MZB1: variants seen among roughly 807,000 people sequenced by gnomAD.
MZB1 encodes the protein marginal zone B and B1 cell specific protein.
In MZB1, 10 loss-of-function variants were observed where a neutral mutation model predicts 17.2. The observed-to-expected ratio is 0.58, with a 90% CI of 0.36 to 0.98. The LOEUF is 0.98. MZB1 is among the 50% of genes least tolerant of loss of function. The probability of loss-of-function intolerance (pLI) is 0.01; values close to 1 mark genes in which losing one functional copy is unlikely to be tolerated. For missense variants in MZB1, 246 were observed against 237.5 expected (o/e 1.04, Z -0.23); for synonymous variants, 99 against 98.7 (o/e 1.00, Z -0.02).
At chr5:139,389,292 G>GGT in intron 1 of MZB1, 1 of 429,036 alleles carries the variant, frequency 2.3e-6, no homozygotes. Context: ...ATGCTCAGCA[G>GGT]GTGTGTGTGT....
intron 2 of MZB1, 30 bp from the exon 3 acceptor site, chr5:139,388,161 G>A (rs751093799): frequency 7.1e-6 from 11 of 1,539,784 alleles, no homozygotes; most frequent in South Asian, 3.6e-5. Context: ...GAGGAGTACA[G>A]TTTTGGCAGG....
Position 139,387,479 on chromosome 5 carries a change from GTTTT to G in MZB1, c.*282_*285del, listed in dbSNP as rs369002282. 3 of 191,432 alleles carry G rather than the reference GTTTT, an allele frequency of 1.6e-5. No individual in the cohort carries two copies. The highest frequency in any genetic ancestry group is 2.1e-5 in the Non-Finnish European group (2 of 97,274). 11.9% of individuals were successfully genotyped at this position (191,432 alleles called of 1,614,324 possible). A position where few individuals can be genotyped will look rare whatever the true frequency, so the allele number is the denominator to read the frequency against. On this transcript the variant is annotated 3_prime_UTR_variant, in exon 4 of 4. Transcript: ENST00000302125. ...CAAAAAAAAAAAATTGATTTTGAGA[GTTTT>G]TTTTTTTTTTTCACAAGGGACATCA...
At position 139,387,863 on chromosome 5, in the gene MZB1, C is replaced by T. The variant is rs375965505; in HGVS notation, c.472G>A (p.Ala158Thr). ...GEFGEDQIYEAHQQGRGALEA... is the reference protein window; with the variant it reads ...GEFGEDQIYETHQQGRGALEA... ...AGAGCCCCTCGGCCTTGTTGGTGGG[C>T]TTCATAGATCTGGTCTTCTCCAAAC... is the stretch of plus-strand genomic sequence containing the variant. The change falls in exon 4 of 4, where the codon GCC becomes ACC. Residue 158 changes from alanine to threonine, a missense_variant. Transcript: ENST00000302125. 6.2e-7 allele frequency: 1 copy of T among 1,606,942 alleles called. No individual in the cohort carries two copies.
intron 2 of MZB1, 32 bp downstream of exon 2, chr5:139,388,429 G>C: frequency 6.9e-7 from 1 of 1,438,878 alleles, no homozygotes; most frequent in Non-Finnish European, 9.1e-7. Flanking sequence ...GCCCTTGGAG[G>C]AGGGAGGTGG....
intron 1 of MZB1, 184 bp from the exon 2 acceptor site, chr5:139,388,769 T>C: frequency 2.1e-6 from 2 of 943,314 alleles, no homozygotes; most frequent in Non-Finnish European, 3.0e-6. Context: ...GGGATGGGGA[T>C]GGGGGATGGG....
rs1161696742 is a variant in MZB1 at position 139,387,750 on chromosome 5, G to C, written c.*15C>G. ...GCAAGCCCCAGCTTCTTTCAGAGGA[G>C]GGTAGAGTCCAGGACTAGAGCTCTT... On this transcript the variant is annotated 3_prime_UTR_variant, in exon 4 of 4. Coordinates refer to ENST00000302125, the MANE Select transcript of MZB1 (RefSeq NM_016459.4). 1 of 1,513,470 alleles carries C rather than the reference G, an allele frequency of 6.6e-7. No individual in the cohort carries two copies. The allele number at this position is 1,513,470 out of a possible 1,614,324, so 93.8% of individuals were successfully genotyped here.
chr5:139,388,561 C>T lies in MZB1; in HGVS notation c.202G>A (p.Glu68Lys). 1 of 1,601,884 alleles carries T rather than the reference C, an allele frequency of 6.2e-7. No homozygotes were observed. The highest frequency in any genetic ancestry group is 2.2e-5 in the East Asian group (1 of 44,524). ...YQMWQNLAKA[E>K]TKLHTSNSGG... ...GAGTTTGAGGTATGAAGTTTGGTCT[C>T]TGCCTTTGCCAGATTTTGCCACATC... is the stretch of plus-strand genomic sequence containing the variant. Residue 68 changes from glutamate to lysine, a missense_variant, in exon 2 of 4, where the codon GAG becomes AAG. Glu to Lys is a moderately conservative substitution (Grantham distance 56). Coordinates refer to ENST00000302125, the MANE Select transcript of MZB1 (RefSeq NM_016459.4).
In MZB1 at chr5:139,388,531, C is replaced by G; in HGVS notation, c.232G>C (p.Gly78Arg). The G allele has an allele frequency of 6.2e-7, 1 of 1,601,020 alleles. No individual in the cohort carries two copies. Among genetic ancestry groups the G allele is most frequent in the Non-Finnish European group, 8.5e-7 (1 of 1,173,856 alleles). ...ETKLHTSNSG[G>R]RRELSELVYT... is the part of the protein sequence containing the mutation. ...ACCAACTCGCTCAGCTCCCGCCGCC[C>G]CCCAGAGTTTGAGGTATGAAGTTTG... Residue 78 changes from glycine to arginine, a missense_variant, in exon 2 of 4, where the codon GGG becomes CGG. Physicochemically the swap from Gly to Arg is moderately radical, Grantham distance 125 (BLOSUM62 -2). Transcript: ENST00000302125.
At chr5:139,389,436 T>G (rs1192308752) in intron 1 of MZB1, 2 of 690,998 alleles carry the variant, frequency 2.9e-6, no homozygotes, top group African/African-American at 3.5e-5. Context: ...AAGGGAGAAG[T>G]CTAAGGACAA....
rs1311286973 is a variant in MZB1 at position 139,389,805 on chromosome 5, G to C, written c.52C>G (p.Pro18Ala). 1.3e-6 allele frequency: 2 copies of C among 1,550,634 alleles called. No homozygotes were observed. The highest frequency in any genetic ancestry group is 2.7e-5 in the African/African-American group (2 of 73,052). ...GGCGCCCTGTCCCCGAGGCCCCCTGGGATGGCCCAGGCTCCCAGCAGCAGC... is the reference window on the plus strand; with the variant it reads ...GGCGCCCTGTCCCCGAGGCCCCCTGCGATGGCCCAGGCTCCCAGCAGCAGC... The part of the protein sequence containing the change: ...LLLLLGAWAI[P>A]GGLGDRAPLT... Residue 18 changes from proline to alanine, a missense_variant, in exon 1 of 4, where the codon CCA (proline) becomes GCA (alanine). By Grantham distance (27) the Pro-to-Ala change is conservative. Coordinates refer to ENST00000302125, the MANE Select transcript of MZB1 (RefSeq NM_016459.4).
In MZB1 at chr5:139,388,513, C is replaced by T. The variant is rs370291305; in HGVS notation, c.250G>A (p.Glu84Lys). The change falls in exon 2 of 4, where the codon GAG becomes AAG. Residue 84 changes from glutamate to lysine, a missense_variant. By Grantham distance (56) the Glu-to-Lys change is moderately conservative (BLOSUM62 1). Transcript: ENST00000302125. Reference protein sequence around the residue: ...SNSGGRRELSELVYTDVLDRS... With the variant: ...SNSGGRRELSKLVYTDVLDRS... Reference sequence around the variant, plus strand: ...TCCAGGACATCCGTGTAGACCAACTCGCTCAGCTCCCGCCGCCCCCCAGAG... The same window carrying T: ...TCCAGGACATCCGTGTAGACCAACTTGCTCAGCTCCCGCCGCCCCCCAGAG... 7.5e-6 allele frequency: 12 copies of T among 1,603,064 alleles called. No homozygotes were observed. The highest frequency in any genetic ancestry group is 2.3e-5 in the South Asian group (2 of 88,858).
Position 139,388,525 on chromosome 5 carries a change from G to A in MZB1, c.238C>T (p.Arg80Trp), listed in dbSNP as rs368642975. The part of the protein sequence containing the change: ...KLHTSNSGGR[R>W]ELSELVYTDV... ...GTGTAGACCAACTCGCTCAGCTCCC[G>A]CCGCCCCCCAGAGTTTGAGGTATGA... Residue 80 changes from arginine (R) to tryptophan (W), a missense_variant, in exon 2 of 4, where the codon CGG becomes TGG. Physicochemically the swap from Arg to Trp is moderately radical, Grantham distance 101. Coordinates refer to ENST00000302125, the MANE Select transcript of MZB1 (RefSeq NM_016459.4). 18 of 1,600,836 alleles carry A rather than the reference G, an allele frequency of 1.1e-5. No homozygotes were observed. Among genetic ancestry groups the A allele is most frequent in the Admixed American group, 5.2e-5 (3 of 57,978 alleles).
At position 139,389,725 on chromosome 5, in the gene MZB1, C is replaced by T. The variant is rs991533132; in HGVS notation, c.132G>A (p.Met44Ile). 1.3e-6 allele frequency: 2 copies of T among 1,578,974 alleles called. No individual in the cohort carries two copies. The highest frequency in any genetic ancestry group is 1.2e-5 in the South Asian group (1 of 86,000). ...AGGCATCACAGCGCAGGTGAGCGGG[C>T]ATGTGGGCTGAGTACATCTCCTCAT... ...LDDEEMYSAH[M>I]PAHLRCDACR... The change falls in exon 1 of 4, where the codon ATG becomes ATA. Residue 44 changes from methionine to isoleucine, a missense_variant. Met to Ile is a conservative substitution (Grantham distance 10). Coordinates refer to ENST00000302125, the MANE Select transcript of MZB1 (RefSeq NM_016459.4).
chr5:139,389,507 G>A, intron 1 of MZB1, 173 bp downstream of exon 1: 1 of 828,376 alleles, frequency 1.2e-6, no homozygotes, highest in Admixed American at 2.0e-5. Context: ...CTGCTGTTAG[G>A]CAGGCAGATG....
intron 1 of MZB1, chr5:139,388,840 C>G (rs567255033): frequency 7.1e-6 from 3 of 422,628 alleles, no homozygotes; most frequent in Non-Finnish European, 1.3e-5. Context: ...CAGGGCACAC[C>G]TGCCCAGTGG....
intron 1 of MZB1, chr5:139,389,082 G>T: frequency 4.6e-6 from 1 of 216,980 alleles, no homozygotes; most frequent in Non-Finnish European, 9.5e-6. Context: ...ATGTTGGCCA[G>T]GCTGGTCTCG....
intron 1 of MZB1, 102 bp from the exon 2 acceptor site, chr5:139,388,687 A>G (rs566511678): frequency 1.3e-6 from 2 of 1,509,828 alleles, no homozygotes; most frequent in South Asian, 1.3e-5. Context: ...ATAAAGTGGC[A>G]AGAGAGCCGT....
chr5:139,388,529 C>T lies in MZB1; in HGVS notation c.234G>A (p.Gly78=). ...ETKLHTSNSG[G]RRELSELVYT... is the part of the protein sequence containing the mutation. ...AGACCAACTCGCTCAGCTCCCGCCG[C>T]CCCCCAGAGTTTGAGGTATGAAGTT... Residue 78 remains glycine, a synonymous_variant, in exon 2 of 4, where the codon GGG becomes GGA. Coordinates refer to ENST00000302125, the MANE Select transcript of MZB1 (RefSeq NM_016459.4). 1.2e-6 allele frequency: 2 copies of T among 1,600,550 alleles called. No individual in the cohort carries two copies. Among genetic ancestry groups the T allele is most frequent in the Non-Finnish European group, 8.5e-7 (1 of 1,173,548 alleles).
chr5:139,388,530 C>G lies in MZB1; in HGVS notation c.233G>C (p.Gly78Ala). The change falls in exon 2 of 4, where the codon GGG becomes GCG. Residue 78 changes from glycine to alanine, a missense_variant. Coordinates refer to ENST00000302125, the MANE Select transcript of MZB1 (RefSeq NM_016459.4). The stretch of plus-strand genomic sequence containing the variant: ...GACCAACTCGCTCAGCTCCCGCCGC[C>G]CCCCAGAGTTTGAGGTATGAAGTTT... Reference protein sequence around the residue: ...ETKLHTSNSGGRRELSELVYT... With the variant: ...ETKLHTSNSGARRELSELVYT... 2 of 1,601,104 alleles carry G rather than the reference C, an allele frequency of 1.2e-6. No homozygotes were observed. The highest frequency in any genetic ancestry group is 1.7e-6 in the Non-Finnish European group (2 of 1,173,882).
Sources: gnomAD v4.1 joint callset for allele counts on GRCh38, gnomAD v4.1.1 for gene constraint, MANE v1.5 for transcripts, NCBI Gene and HGNC (gene_info 2026-07-23, HGNC 2026-07-21) for gene names.